PSIP1: variants seen among roughly 807,000 people sequenced by gnomAD.
The protein encoded by PSIP1 is PC4 and SRSF1 interacting protein 1.
In PSIP1, 19 loss-of-function variants were observed where a neutral mutation model predicts 74.7. The observed-to-expected ratio is 0.25, with a 90% CI of 0.18 to 0.37. PSIP1 has a LOEUF of 0.37. Ranked by LOEUF, PSIP1 falls within the 10% of genes least tolerant of loss-of-function variation. PSIP1 has a pLI of 1.00. For missense variants in PSIP1, 601 were observed against 614.3 expected (o/e 0.98, Z 0.23); for synonymous variants, 222 against 195.3 (o/e 1.14, Z -1.14).
At chr9:15,499,875 C>CAAAA (rs559078122) in intron 3 of PSIP1, among the ~76,000 whole-genome samples, 1,101 of 68,302 alleles carry the variant, frequency 0.016, 10 homozygotes, top group African/African-American at 0.051. Flanking sequence ...GACTCTGTCT[C>CAAAA]AAAAAAAAAA....
chr9:15,472,384 T>G, intron 10 of PSIP1: 1 of 1,297,734 alleles, frequency 7.7e-7, no homozygotes. Flanking sequence ...ATCAATTAAA[T>G]CCTATCTGCA....
intron 1 of PSIP1, 63 bp from the exon 2 acceptor site, chr9:15,510,392 GGGGAGGGGAACCGGCGGGT>G: frequency 2.5e-6 from 1 of 401,530 alleles, no homozygotes; most frequent in Non-Finnish European, 4.4e-6. Flanking sequence ...GCAAGGGGAG[GGGGAGGGGAACCGGCGGGT>G]GGGGGTGGGA....
chr9:15,498,551 AAC>A (rs534650969), intron 3 of PSIP1, among the ~76,000 whole-genome samples: 1 of 152,160 alleles, frequency 6.6e-6, no homozygotes, highest in Non-Finnish European at 1.5e-5. Flanking sequence ...AGGTTTGGTG[AAC>A]AGGGACCAGA....
chr9:15,475,218 TG>T (rs1423702979), intron 8 of PSIP1, among the ~76,000 whole-genome samples: 3 of 152,220 alleles, frequency 2.0e-5, no homozygotes, highest in Admixed American at 6.5e-5. Context: ...AATGGTCCTA[TG>T]GTTTTTATCC....
chr9:15,468,550 T>G, intron 14 of PSIP1, 80 bp downstream of exon 14: 1 of 1,441,222 alleles, frequency 6.9e-7, no homozygotes, highest in Non-Finnish European at 9.8e-7. Flanking sequence ...AGTGAAACTA[T>G]GTATGAAAGC....
Position 15,466,741 on chromosome 9 carries a change from TC to T in PSIP1, c.1532+6del. Reference sequence around the variant, plus strand: ...ACACACAAGACCCATTAAAACCTATTCCTCACTTTTTCTTCGTGCTGGCTTC... The same window carrying T: ...ACACACAAGACCCATTAAAACCTATTCTCACTTTTTCTTCGTGCTGGCTTC... On this transcript the variant is annotated splice_donor_region_variant and intron_variant, in intron 15 of 15. Transcript: ENST00000380733. 5 of 1,600,408 alleles carry T rather than the reference TC, an allele frequency of 3.1e-6. No individual in the cohort carries two copies. The highest frequency in any genetic ancestry group is 4.3e-6 in the Non-Finnish European group (5 of 1,172,010).
chr9:15,485,687 C>A (rs2036530698), intron 6 of PSIP1, among the ~76,000 whole-genome samples: 1 of 152,154 alleles, frequency 6.6e-6, no homozygotes, highest in South Asian at 2.1e-4. Context: ...ATAAACATTT[C>A]ACATATGTTA....
rs1489145827 is a variant in PSIP1, at chr9:15,484,887, T to A, written c.456+1119A>T. Reference sequence around the variant, plus strand: ...AAGATCGCACCACTTCACACCAACCTGGATGACAGAGCGAGATCCGTCTCA... The same window carrying A: ...AAGATCGCACCACTTCACACCAACCAGGATGACAGAGCGAGATCCGTCTCA... On this transcript the variant is annotated intron_variant, in intron 6 of 15. Coordinates refer to ENST00000380733, the MANE Select transcript of PSIP1 (RefSeq NM_033222.5). Among the ~76,000 whole-genome samples the A allele has an allele frequency of 2.3e-5, 3 of 132,546 alleles. No homozygotes were observed. In the Admixed American group the frequency reaches 2.7e-4, roughly 12 times the overall value. 87.0% of individuals were successfully genotyped at this position (132,546 alleles called of 152,430 possible).
chr9:15,478,651 T>C (rs2036202544), intron 7 of PSIP1, 99 bp from the exon 8 acceptor site: 1 of 809,500 alleles, frequency 1.2e-6, no homozygotes, highest in African/African-American at 1.7e-5. Flanking sequence ...TATTTAAGAA[T>C]ATTAGTAGCT....
intron 11 of PSIP1, among the ~76,000 whole-genome samples, chr9:15,469,632 C>T (rs2035753614): frequency 6.6e-6 from 1 of 152,146 alleles, no homozygotes; most frequent in African/African-American, 2.4e-5. Context: ...CCCCAAACAC[C>T]TGCTTTTCCT....
chr9:15,505,950 G>C (rs2037567370), intron 3 of PSIP1: 1 of 152,152 alleles, frequency 6.6e-6, no homozygotes, highest in Admixed American at 6.5e-5. Context: ...GTATTTCTAA[G>C]GCCATTAAAT....
chr9:15,505,459 C>G (rs1178128010), intron 3 of PSIP1: 2 of 152,086 alleles, frequency 1.3e-5, no homozygotes, highest in Non-Finnish European at 2.9e-5. Context: ...TACACTTGAA[C>G]CTAACTCTAA....
In PSIP1 at chr9:15,472,853, G is replaced by C. The variant is rs544852874; in HGVS notation, c.859-103C>G. The C allele has an allele frequency of 9.1e-5, 99 of 1,084,340 alleles. 1 individual carries two copies. In the East Asian group the frequency reaches 2.4e-3, roughly 26 times the overall value. 67.2% of individuals were successfully genotyped at this position (1,084,340 alleles called of 1,614,324 possible). Reference sequence around the variant, plus strand: ...AAAGCAGCAGCTAGTTTTTAAAAAAGGGATGAATACTCAAATTAGCAACCT... The same window carrying C: ...AAAGCAGCAGCTAGTTTTTAAAAAACGGATGAATACTCAAATTAGCAACCT... On this transcript the variant is annotated intron_variant, in intron 9 of 15. Coordinates refer to ENST00000380733, the MANE Select transcript of PSIP1 (RefSeq NM_033222.5).
intron 6 of PSIP1, among the ~76,000 whole-genome samples, chr9:15,480,295 G>C (rs2036278537): frequency 1.3e-5 from 2 of 152,156 alleles, no homozygotes; most frequent in Non-Finnish European, 2.9e-5. Flanking sequence ...AGTTGGTACT[G>C]ATCATAACTG....
intron 10 of PSIP1, among the ~76,000 whole-genome samples, 183 bp from the exon 11 acceptor site, chr9:15,470,176 T>A (rs1192430733): frequency 6.6e-6 from 1 of 152,092 alleles, no homozygotes; most frequent in Non-Finnish European, 1.5e-5. Flanking sequence ...AAACTCTAAT[T>A]AACATGCTAG....
intron 3 of PSIP1, among the ~76,000 whole-genome samples, chr9:15,504,111 T>C (rs963875958): frequency 6.6e-5 from 10 of 152,198 alleles, no homozygotes; most frequent in African/African-American, 2.4e-4. Flanking sequence ...CAGCACTGCT[T>C]TTCCAAAGAT....
intron 3 of PSIP1, among the ~76,000 whole-genome samples, chr9:15,495,769 A>G (rs766921355): frequency 2.0e-5 from 3 of 152,258 alleles, no homozygotes; most frequent in East Asian, 1.9e-4. Flanking sequence ...TATTAATAGG[A>G]TATCTTCATA....
At chr9:15,485,473 A>AT (rs2036521936) in intron 6 of PSIP1, among the ~76,000 whole-genome samples, 2 of 152,208 alleles carry the variant, frequency 1.3e-5, no homozygotes. Context: ...TATGATAATA[A>AT]TTTGAGACAT....
chr9:15,498,323 G>A (rs778993094), intron 3 of PSIP1, among the ~76,000 whole-genome samples: 1 of 152,162 alleles, frequency 6.6e-6, no homozygotes, highest in Non-Finnish European at 1.5e-5. Flanking sequence ...GCCTGAAGCA[G>A]GAGAATCGCC....
Sources: allele counts gnomAD v4.1 joint callset (sites outside exome capture counted in the v4.1 genomes callset), GRCh38; gene constraint gnomAD v4.1.1; transcripts MANE v1.5; gene names NCBI Gene and HGNC (gene_info 2026-07-23, HGNC 2026-07-21).